The following CACNA2D3 variants were observed in gnomAD, a reference collection of about 807,000 sequenced individuals.
The protein encoded by CACNA2D3 is calcium voltage-gated channel auxiliary subunit alpha2delta 3.
A neutral mutation model predicts 160.6 loss-of-function variants in CACNA2D3; 60 were observed. That is an observed-to-expected ratio of 0.37 (90% CI 0.30 to 0.46). The LOEUF is 0.46. CACNA2D3 is among the 20% of genes least tolerant of loss of function. The pLI is 1.00. For missense variants in CACNA2D3, 1,205 were observed against 1,365.0 expected, an observed-to-expected ratio of 0.88 and a Z score of 1.85; for synonymous variants, 558 against 492.9, an observed-to-expected ratio of 1.13 and a Z score of -1.75.
chr3:54,293,652 C>A (rs1164492841), intron 2 of CACNA2D3, among the ~76,000 whole-genome samples: 1 of 152,030 alleles, frequency 6.6e-6, no homozygotes, highest in African/African-American at 2.4e-5. Flanking sequence ...ACACAACACC[C>A]ACAGATGAAT....
intron 31 of CACNA2D3, among the ~76,000 whole-genome samples, chr3:54,999,953 C>T (rs1249230701): frequency 6.6e-6 from 1 of 152,186 alleles, no homozygotes; most frequent in African/African-American, 2.4e-5. Context: ...GAGGCCGTAT[C>T]TGCCTTCTGT....
chr3:54,728,538 C>CT (rs572061308), intron 11 of CACNA2D3, among the ~76,000 whole-genome samples: 57 of 152,146 alleles, frequency 3.7e-4, no homozygotes, highest in African/African-American at 1.3e-3. Context: ...TATCTCTTTC[C>CT]TTTTTTTATC....
intron 3 of CACNA2D3, among the ~76,000 whole-genome samples, chr3:54,337,521 GTC>G (rs1368610845): frequency 1.3e-5 from 2 of 152,260 alleles, no homozygotes; most frequent in East Asian, 3.9e-4. Flanking sequence ...AAGTTCTGCT[GTC>G]TCTGCATTAG....
chr3:55,007,835 C>T lies in CACNA2D3; in HGVS notation c.2812C>T (p.Leu938Phe), dbSNP rs941796977. 4 of 1,547,228 alleles carry T rather than the reference C, an allele frequency of 2.6e-6. No homozygotes were observed. Among genetic ancestry groups the T allele is most frequent in the Admixed American group, 4.4e-5 (2 of 45,604 alleles). ...TGCAGTAAAATGGATCATGACAGAA[C>T]TTGTCTTGTAAGTAAAATCTGCTGC... ...LSAVKWIMTE[L>F]VLFLVEFNLC... The change falls in exon 33 of 38, where the codon CTT becomes TTT. Residue 938 changes from leucine to phenylalanine, a missense_variant. By Grantham distance (22) the Leu-to-Phe change is conservative. Transcript: ENST00000474759.
intron 4 of CACNA2D3, among the ~76,000 whole-genome samples, chr3:54,391,997 T>G (rs1296456635): frequency 1.3e-5 from 2 of 152,238 alleles, no homozygotes; most frequent in African/African-American, 4.8e-5. Flanking sequence ...ATCTCTCTCC[T>G]TTTTTACTTT....
At chr3:54,719,672 C>A (rs1205116806) in intron 11 of CACNA2D3, among the ~76,000 whole-genome samples, 1 of 151,880 alleles carries the variant, frequency 6.6e-6, no homozygotes, top group African/African-American at 2.4e-5. Context: ...ATGAGTTGGG[C>A]AGAGTTTCTT....
chr3:54,304,077 C>T (rs1703542178), intron 2 of CACNA2D3, among the ~76,000 whole-genome samples: 1 of 152,038 alleles, frequency 6.6e-6, no homozygotes, highest in Non-Finnish European at 1.5e-5. Flanking sequence ...TCCTTTGTGG[C>T]GGGGCCTGCT....
chr3:54,694,913 C>A (rs1053069068), intron 11 of CACNA2D3, among the ~76,000 whole-genome samples: 1 of 152,218 alleles, frequency 6.6e-6, no homozygotes, highest in African/African-American at 2.4e-5. Context: ...GTAGTAATTT[C>A]TAGCCTTTTT....
Position 54,763,653 on chromosome 3 carries a change from A to ATGTGTG in CACNA2D3, c.1247-553_1247-548dup, listed in dbSNP as rs34209151. On this transcript the variant is annotated intron_variant, in intron 12 of 37. Transcript: ENST00000474759. Reference sequence around the variant, plus strand: ...TGTGTGTGTGTGTGTGTGTATATATATGTGTGTGTGTGTGTGTATATATGT... The same window carrying ATGTGTG: ...TGTGTGTGTGTGTGTGTGTATATATATGTGTGTGTGTGTGTGTGTGTGTATATATGT... Among the ~76,000 whole-genome samples, 963 of 140,714 alleles carry ATGTGTG rather than the reference A, an allele frequency of 6.8e-3. 11 individuals are homozygous for ATGTGTG. Among genetic ancestry groups the ATGTGTG allele is most frequent in the African/African-American group, 0.023 (888 of 37,968 alleles). 92.3% of individuals were successfully genotyped at this position (140,714 alleles called of 152,430 possible).
At chr3:54,429,271 A>G (rs1235510878) in intron 4 of CACNA2D3, among the ~76,000 whole-genome samples, 1 of 79,412 alleles carries the variant, frequency 1.3e-5, no homozygotes, top group Non-Finnish European at 2.6e-5. Flanking sequence ...TTAATCAACT[A>G]AAAAAAAATC....
chr3:54,570,231 C>A, intron 8 of CACNA2D3, 127 bp downstream of exon 8: 1 of 990,360 alleles, frequency 1.0e-6, no homozygotes, highest in Non-Finnish European at 1.5e-6. Flanking sequence ...CCTGGTTAGT[C>A]TCATGAAAGT....
At chr3:54,616,068 T>G (rs1698842856) in intron 9 of CACNA2D3, among the ~76,000 whole-genome samples, 1 of 152,202 alleles carries the variant, frequency 6.6e-6, no homozygotes, top group Admixed American at 6.5e-5. Context: ...TTGGACAGAT[T>G]GTCTTCCGTG....
intron 5 of CACNA2D3, among the ~76,000 whole-genome samples, chr3:54,506,202 G>A (rs1701366928): frequency 6.6e-6 from 1 of 152,056 alleles, no homozygotes; most frequent in African/African-American, 2.4e-5. Flanking sequence ...CAAGCTGCAG[G>A]AATATATTTT....
At chr3:54,504,522 G>T (rs1456899127) in intron 5 of CACNA2D3, among the ~76,000 whole-genome samples, 3 of 152,178 alleles carry the variant, frequency 2.0e-5, no homozygotes, top group African/African-American at 7.2e-5. Context: ...GTTGTTTTCA[G>T]CATCTTTATC....
chr3:54,346,101 T>C (rs941075608), intron 3 of CACNA2D3, among the ~76,000 whole-genome samples: 1 of 152,122 alleles, frequency 6.6e-6, no homozygotes, highest in Non-Finnish European at 1.5e-5. Context: ...TGGCTCAAGA[T>C]GTTTGATGAC....
At chr3:55,011,388 G>C (rs1191103468) in intron 34 of CACNA2D3, among the ~76,000 whole-genome samples, 2 of 152,164 alleles carry the variant, frequency 1.3e-5, no homozygotes, top group African/African-American at 4.8e-5. Flanking sequence ...TCAGCCTGAG[G>C]ACATAAACCT....
intron 21 of CACNA2D3, among the ~76,000 whole-genome samples, chr3:54,884,866 C>T (rs139534402): frequency 3.9e-5 from 6 of 152,246 alleles, no homozygotes; most frequent in South Asian, 2.1e-4. Context: ...AAGAAACTGA[C>T]GTTTAGAGAA....
intron 13 of CACNA2D3, among the ~76,000 whole-genome samples, chr3:54,803,488 GA>G (rs1703044122): frequency 6.6e-6 from 1 of 152,056 alleles, no homozygotes; most frequent in Non-Finnish European, 1.5e-5. Flanking sequence ...AATGAAGCGA[GA>G]AGGGAAGTTT....
intron 2 of CACNA2D3, among the ~76,000 whole-genome samples, chr3:54,209,802 C>A (rs995508775): frequency 6.6e-6 from 1 of 152,200 alleles, no homozygotes; most frequent in South Asian, 2.1e-4. Flanking sequence ...TGATCTTAAA[C>A]TTTTTATTAT....
Sources: allele counts gnomAD v4.1 joint callset (sites outside exome capture counted in the v4.1 genomes callset), GRCh38; gene constraint gnomAD v4.1.1; transcripts MANE v1.5; gene names NCBI Gene and HGNC (gene_info 2026-07-23, HGNC 2026-07-21).